The following IL1RAPL1 variants were observed in gnomAD, a reference collection of about 807,000 sequenced individuals.
IL1RAPL1 encodes interleukin 1 receptor accessory protein like 1.
A neutral mutation model predicts 48.4 loss-of-function variants in IL1RAPL1; 3 were observed. The ratio of observed to expected loss-of-function variants is 0.06; its 90% CI spans 0.03 to 0.16. The LOEUF (loss-of-function observed/expected upper bound fraction) is 0.16, where lower values mean the gene tolerates loss of function less well. Ranked by LOEUF, IL1RAPL1 falls within the 10% of genes least tolerant of loss-of-function variation. The pLI, the probability that IL1RAPL1 is intolerant of heterozygous loss-of-function variation, is 1.00. For synonymous variants in IL1RAPL1, 185 were observed against 187.7 expected, an observed-to-expected ratio of 0.99 and a Z score of 0.12; for missense variants, 349 against 530.6, an observed-to-expected ratio of 0.66 and a Z score of 3.36.
chrX:29,649,372 C>G (rs772542969), intron 5 of IL1RAPL1, among the ~76,000 whole-genome samples: 1 of 111,618 alleles, frequency 9.0e-6, no homozygotes, highest in Non-Finnish European at 1.9e-5. Context: ...AAACCAAATT[C>G]AACAACACAT....
intron 5 of IL1RAPL1, among the ~76,000 whole-genome samples, chrX:29,626,607 ATGT>A (rs1204593914): frequency 9.0e-6 from 1 of 111,014 alleles, no homozygotes; most frequent in Non-Finnish European, 1.9e-5. Context: ...GTTTTCTGAT[ATGT>A]TGTTTTTAAA....
At chrX:28,955,018 T>A (rs1299108957) in intron 2 of IL1RAPL1, among the ~76,000 whole-genome samples, 1 of 112,182 alleles carries the variant, frequency 8.9e-6, no homozygotes, top group Non-Finnish European at 1.9e-5. Flanking sequence ...TATTAACCTA[T>A]TCATGATGTG....
At chrX:29,242,419 T>C (rs993681432) in intron 2 of IL1RAPL1, among the ~76,000 whole-genome samples, 3 of 112,353 alleles carry the variant, frequency 2.7e-5, no homozygotes, top group African/African-American at 9.7e-5. Flanking sequence ...ATAATGCCTC[T>C]GAACTTAAAT....
At chrX:29,629,799 C>A (rs1348841733) in intron 5 of IL1RAPL1, among the ~76,000 whole-genome samples, 1 of 111,814 alleles carries the variant, frequency 8.9e-6, no homozygotes, top group African/African-American at 3.3e-5. Context: ...AAGATCAAAT[C>A]TCTCTCTGTG....
chrX:29,650,759 CA>C (rs1279538819), intron 5 of IL1RAPL1, among the ~76,000 whole-genome samples: 2 of 107,167 alleles, frequency 1.9e-5, no homozygotes, highest in African/African-American at 3.4e-5. Context: ...GCAACAAGAG[CA>C]AAAAAAATAG....
chrX:28,704,174 T>G (rs921215166), intron 1 of IL1RAPL1, among the ~76,000 whole-genome samples: 4 of 111,835 alleles, frequency 3.6e-5, no homozygotes, highest in East Asian at 5.6e-4. Context: ...TTGAGATAGC[T>G]CTAAGCCTTC....
At position 29,150,921 on chromosome X, in the gene IL1RAPL1, CA is replaced by C. The variant is rs757072950; in HGVS notation, c.83-132002del. Among the ~76,000 whole-genome samples the C allele has an allele frequency of 4.4e-3, 191 of 43,716 alleles. 1 individual carries two copies. Among genetic ancestry groups the C allele is most frequent in the African/African-American group, 0.011 (126 of 11,649 alleles). 38.0% of individuals were successfully genotyped at this position (43,716 alleles called of 115,157 possible). ...TGGGTGACAGAGCAAGACTCCATCTCAAAAAAAAAAAAAAAGAAAAAAAAAG... is the reference window on the plus strand; with the variant it reads ...TGGGTGACAGAGCAAGACTCCATCTCAAAAAAAAAAAAAAGAAAAAAAAAG... On this transcript the variant is annotated intron_variant, in intron 2 of 10. Coordinates refer to ENST00000378993, the MANE Select transcript of IL1RAPL1 (RefSeq NM_014271.4).
rs188994159 is a variant in IL1RAPL1, at chrX:29,453,286, T to C, written c.703+53978T>C. 8.1e-3 allele frequency among the ~76,000 whole-genome samples: 897 copies of C among 110,316 alleles called. 11 individuals carry two copies. The highest frequency in any genetic ancestry group is 0.028 in the African/African-American group (853 of 30,332). On this transcript the variant is annotated intron_variant, in intron 5 of 10. Coordinates refer to ENST00000378993, the MANE Select transcript of IL1RAPL1 (RefSeq NM_014271.4). ...CAATAGTGTCTTTATGACTATTACTTTAAAGAAATGAAGTAAAAGGTAGTT... is the reference window on the plus strand; with the variant it reads ...CAATAGTGTCTTTATGACTATTACTCTAAAGAAATGAAGTAAAAGGTAGTT...
rs752631253 is a variant in IL1RAPL1 at position 28,981,186 on chromosome X, ACT to A, written c.82+191764_82+191765del. Among the ~76,000 whole-genome samples the A allele has an allele frequency of 7.6e-5, 8 of 104,731 alleles. No homozygotes were observed. In the East Asian group the frequency reaches 2.4e-3, roughly 31 times the overall value. 90.9% of individuals were successfully genotyped at this position (104,731 alleles called of 115,157 possible). A position where few individuals can be genotyped will look rare whatever the true frequency, so the allele number is the denominator to read the frequency against. On this transcript the variant is annotated intron_variant, in intron 2 of 10. Coordinates refer to ENST00000378993, the MANE Select transcript of IL1RAPL1 (RefSeq NM_014271.4). ...TTAGTCCCATGCTGTAGGTAGAATG[ACT>A]CTGGCTTTTAATGGCCTGCCTTGAT...
At chrX:29,483,491 C>G (rs761716789) in intron 5 of IL1RAPL1, among the ~76,000 whole-genome samples, 4 of 111,375 alleles carry the variant, frequency 3.6e-5, no homozygotes, top group African/African-American at 9.8e-5. Context: ...CGGTTTGTTT[C>G]TTTGCATTAC....
At chrX:28,684,778 A>G (rs1402286620) in intron 1 of IL1RAPL1, among the ~76,000 whole-genome samples, 1 of 111,870 alleles carries the variant, frequency 8.9e-6, no homozygotes, top group African/African-American at 3.2e-5. Flanking sequence ...ATAGGGCTTT[A>G]GTAAATTTGT....
Position 29,668,434 on chromosome X carries a change from T to A in IL1RAPL1, c.708T>A (p.Pro236=). The A allele has an allele frequency of 8.3e-7, 1 of 1,206,633 alleles. No individual in the cohort carries two copies. The highest frequency in any genetic ancestry group is 1.1e-6 in the Non-Finnish European group (1 of 890,801). ...RRTTELTVTA[P]LTDKPPKLLY... Reference sequence around the variant, plus strand: ...ATTATTGTTGTTGTTTTTCAGCCCCTCTGACTGATAAGCCACCCAAGCTTT... The same window carrying A: ...ATTATTGTTGTTGTTTTTCAGCCCCACTGACTGATAAGCCACCCAAGCTTT... The change falls in exon 6 of 11, where the codon CCT becomes CCA. Residue 236 remains proline (P), a synonymous_variant. Transcript: ENST00000378993.
intron 5 of IL1RAPL1, among the ~76,000 whole-genome samples, chrX:29,619,434 A>G (rs1308559467): frequency 9.0e-6 from 1 of 111,640 alleles, no homozygotes; most frequent in Non-Finnish European, 1.9e-5. Flanking sequence ...TTTCTTTATT[A>G]TAATCTATCT....
chrX:29,479,973 A>C (rs1268308287), intron 5 of IL1RAPL1, among the ~76,000 whole-genome samples: 1 of 110,759 alleles, frequency 9.0e-6, no homozygotes, highest in Non-Finnish European at 1.9e-5. Flanking sequence ...GTGCTGCTAT[A>C]AACATGCACA....
chrX:28,925,861 C>T (rs1198857926), intron 2 of IL1RAPL1, among the ~76,000 whole-genome samples: 2 of 111,811 alleles, frequency 1.8e-5, no homozygotes, highest in East Asian at 5.7e-4. Context: ...TCGGAGGTTG[C>T]AGTGAGCCAA....
chrX:29,357,989 C>A (rs1050085905), intron 3 of IL1RAPL1, among the ~76,000 whole-genome samples: 1 of 111,241 alleles, frequency 9.0e-6, no homozygotes, highest in African/African-American at 3.3e-5. Flanking sequence ...ATTCTTGTGA[C>A]CTCTTTGTGT....
chrX:29,690,887 A>G (rs1423249874), intron 6 of IL1RAPL1, among the ~76,000 whole-genome samples: 1 of 111,941 alleles, frequency 8.9e-6, no homozygotes, highest in Non-Finnish European at 1.9e-5. Flanking sequence ...CTGTTAATTC[A>G]CATTATTCTC....
At chrX:28,912,339 G>A (rs752001999) in intron 2 of IL1RAPL1, among the ~76,000 whole-genome samples, 4 of 110,485 alleles carry the variant, frequency 3.6e-5, no homozygotes, top group East Asian at 2.8e-4. Flanking sequence ...CATTTGAACC[G>A]TTATGGAAGG....
chrX:28,863,099 C>G lies in IL1RAPL1; in HGVS notation c.82+73674C>G, dbSNP rs185307377. On this transcript the variant is annotated intron_variant, in intron 2 of 10. Transcript: ENST00000378993. ...TTTCACCATGTTGGCCAGGCTGTCT[C>G]GAACTCACGACCTCAGGTGATCCAC... Among the ~76,000 whole-genome samples the G allele has an allele frequency of 5.4e-5, 6 of 111,176 alleles. No homozygotes were observed. In the South Asian group the frequency reaches 2.3e-3, roughly 42 times the overall value.
Sources: allele counts gnomAD v4.1 joint callset (sites outside exome capture counted in the v4.1 genomes callset), GRCh38; gene constraint gnomAD v4.1.1; transcripts MANE v1.5; gene names NCBI Gene and HGNC (gene_info 2026-07-23, HGNC 2026-07-21).